The following GNAQ variants were observed in gnomAD, a reference collection of about 807,000 sequenced individuals.
GNAQ encodes guanine nucleotide-binding protein G(q) subunit alpha.
A neutral mutation model predicts 43.9 loss-of-function variants in GNAQ; 8 were observed. That is an observed-to-expected ratio of 0.18 (90% CI 0.11 to 0.33). GNAQ has a LOEUF of 0.33. Among genes scored for constraint, GNAQ ranks in the 10% least tolerant of loss-of-function variants. The pLI is 1.00. For missense variants in GNAQ, 158 were observed against 450.8 expected (o/e 0.35, Z 5.88); for synonymous variants, 155 against 170.7 (o/e 0.91, Z 0.71).
intron 2 of GNAQ, among the ~76,000 whole-genome samples, chr9:77,914,602 C>A (rs1259553031): frequency 6.6e-6 from 1 of 151,896 alleles, no homozygotes; most frequent in East Asian, 1.9e-4. Context: ...GCGGAGGTTG[C>A]GGTGAGCCGA....
chr9:78,008,560 CTATCGATT>C, intron 1 of GNAQ, among the ~76,000 whole-genome samples: 1 of 151,158 alleles, frequency 6.6e-6, no homozygotes, highest in Admixed American at 6.6e-5. Flanking sequence ...TTTCACTTAA[CTATCGATT>C]TATTTCATTT....
At chr9:77,944,577 C>G (rs561602399) in intron 1 of GNAQ, among the ~76,000 whole-genome samples, 4 of 152,272 alleles carry the variant, frequency 2.6e-5, no homozygotes, top group African/African-American at 9.6e-5. Flanking sequence ...GGTGGAAGTT[C>G]ATGGGACCCC....
chr9:77,794,612 C>T lies in GNAQ; in HGVS notation c.606-20G>A, dbSNP rs781615478. 1.3e-6 allele frequency: 2 copies of T among 1,525,442 alleles called. No individual in the cohort carries two copies. The highest frequency in any genetic ancestry group is 1.2e-5 in the South Asian group (1 of 84,884). The allele number at this position is 1,525,442 out of a possible 1,614,324, so 94.5% of individuals were successfully genotyped here. On this transcript the variant is annotated intron_variant, in intron 4 of 6. Coordinates refer to ENST00000286548, the MANE Select transcript of GNAQ (RefSeq NM_002072.5). ...ACCATTCTGCAAGGTTAACAATACTCATATTAATAACATATAAAGTAAAAC... is the reference window on the plus strand; with the variant it reads ...ACCATTCTGCAAGGTTAACAATACTTATATTAATAACATATAAAGTAAAAC...
chr9:77,959,615 T>C (rs1823083312), intron 1 of GNAQ, among the ~76,000 whole-genome samples: 1 of 152,206 alleles, frequency 6.6e-6, no homozygotes, highest in Non-Finnish European at 1.5e-5. Context: ...ATCAAAACAT[T>C]ATAGCACAGT....
intron 2 of GNAQ, among the ~76,000 whole-genome samples, chr9:77,844,741 C>T (rs190809234): frequency 1.3e-4 from 20 of 152,078 alleles, no homozygotes; most frequent in African/African-American, 3.4e-4. Context: ...GGCATGATCT[C>T]GGCTTACTGC....
At position 77,720,837 on chromosome 9, in the gene GNAQ, C is replaced by T. The variant is rs979922289; in HGVS notation, c.*486G>A. 26 of 233,830 alleles carry T rather than the reference C, an allele frequency of 1.1e-4. No homozygotes were observed. The highest frequency in any genetic ancestry group is 4.8e-4 in the African/African-American group (22 of 45,434). The allele number at this position is 233,830 out of a possible 1,614,324, so 14.5% of individuals were successfully genotyped here. ...AAATTAAGCTGATGATGGCTTAAAT[C>T]GAACGATGTGTCCTGACTGTATCAT... is the stretch of plus-strand genomic sequence containing the variant. On this transcript the variant is annotated 3_prime_UTR_variant, in exon 7 of 7. Coordinates refer to ENST00000286548, the MANE Select transcript of GNAQ (RefSeq NM_002072.5).
intron 2 of GNAQ, among the ~76,000 whole-genome samples, chr9:77,870,018 T>C (rs747781538): frequency 2.0e-5 from 3 of 152,244 alleles, no homozygotes; most frequent in Non-Finnish European, 4.4e-5. Context: ...CTTTGAGGTC[T>C]TTGAATCACC....
At chr9:77,737,153 G>A (rs757609795) in intron 5 of GNAQ, among the ~76,000 whole-genome samples, 2 of 152,064 alleles carry the variant, frequency 1.3e-5, no homozygotes, top group Admixed American at 6.6e-5. Context: ...CCTCCTTCCA[G>A]TACTCTCTCT....
chr9:77,889,068 T>C (rs1449820421), intron 2 of GNAQ, among the ~76,000 whole-genome samples: 1 of 152,122 alleles, frequency 6.6e-6, no homozygotes, highest in Admixed American at 6.5e-5. Context: ...TTTTGATTCC[T>C]TCACTTTACT....
At chr9:77,742,367 C>G (rs1470446154) in intron 5 of GNAQ, among the ~76,000 whole-genome samples, 1 of 151,914 alleles carries the variant, frequency 6.6e-6, no homozygotes, top group East Asian at 1.9e-4. Flanking sequence ...CATTTTTTGA[C>G]AAAAAGTATT....
At chr9:77,976,012 C>T (rs781584443) in intron 1 of GNAQ, among the ~76,000 whole-genome samples, 1 of 152,140 alleles carries the variant, frequency 6.6e-6, no homozygotes. Flanking sequence ...AAAGATACTA[C>T]AAGTGGTATA....
At chr9:77,927,566 T>A (rs1220253230) in intron 1 of GNAQ, among the ~76,000 whole-genome samples, 5 of 151,948 alleles carry the variant, frequency 3.3e-5, no homozygotes, top group Non-Finnish European at 5.9e-5. Flanking sequence ...GTTTATCATC[T>A]TTACTCTGAA....
At chr9:77,850,897 C>A (rs1159301380) in intron 2 of GNAQ, among the ~76,000 whole-genome samples, 1 of 152,114 alleles carries the variant, frequency 6.6e-6, no homozygotes, top group Admixed American at 6.5e-5. Context: ...CATGGCACAT[C>A]CCCACCCCCA....
chr9:77,788,161 A>C (rs1826513493), intron 5 of GNAQ, among the ~76,000 whole-genome samples: 1 of 152,202 alleles, frequency 6.6e-6, no homozygotes, highest in African/African-American at 2.4e-5. Flanking sequence ...GACATTTTCA[A>C]TTGTGTATAT....
intron 2 of GNAQ, among the ~76,000 whole-genome samples, chr9:77,817,543 C>T (rs1827038752): frequency 6.6e-6 from 1 of 152,112 alleles, no homozygotes. Flanking sequence ...TACTTTTCCT[C>T]TTTATAACTT....
chr9:77,965,117 C>A (rs1038840659), intron 1 of GNAQ, among the ~76,000 whole-genome samples: 1 of 152,040 alleles, frequency 6.6e-6, no homozygotes, highest in African/African-American at 2.4e-5. Context: ...TTATTCCACC[C>A]TTTTTTACTT....
In GNAQ at chr9:78,025,558, C is replaced by T. The variant is rs143141935; in HGVS notation, c.136+5542G>A. 3.6e-3 allele frequency among the ~76,000 whole-genome samples: 547 copies of T among 152,256 alleles called. 2 individuals are homozygous for T. Among genetic ancestry groups the T allele is most frequent in the African/African-American group, 0.012 (515 of 41,546 alleles). ...GTTTTCCTTTGAAAAATGTGACTGC[C>T]TCCCGTTCCAACCAGGAAATTTGAC... On this transcript the variant is annotated intron_variant, in intron 1 of 6. Coordinates refer to ENST00000286548, the MANE Select transcript of GNAQ (RefSeq NM_002072.5).
chr9:77,848,608 T>A lies in GNAQ; in HGVS notation c.322-32838A>T, dbSNP rs1277440688. On this transcript the variant is annotated intron_variant, in intron 2 of 6. Transcript: ENST00000286548. ...TTGGCCAGGGCAATGCCAGAACAAT[T>A]GGTCTCATTGCCTTCTGAGATGACA... 2.0e-5 allele frequency among the ~76,000 whole-genome samples: 3 copies of A among 152,222 alleles called. No individual in the cohort carries two copies. The East Asian group carries it at 5.8e-4, about 29-fold the overall frequency.
At chr9:77,886,480 G>GAA (rs1300053293) in intron 2 of GNAQ, among the ~76,000 whole-genome samples, 1 of 150,808 alleles carries the variant, frequency 6.6e-6, no homozygotes, top group Non-Finnish European at 1.5e-5. Flanking sequence ...CTACAGTTCA[G>GAA]AAAGAACGCC....
Sources: gnomAD v4.1 joint callset for allele counts (sites outside exome capture counted in the v4.1 genomes callset) on GRCh38, gnomAD v4.1.1 for gene constraint, MANE v1.5 for transcripts, NCBI Gene and HGNC (gene_info 2026-07-23, HGNC 2026-07-21) for gene names.